UBE2G1: variants seen among roughly 807,000 people sequenced by gnomAD.
UBE2G1 encodes ubiquitin conjugating enzyme E2 G1.
In UBE2G1, 5 loss-of-function variants were observed where a neutral mutation model predicts 22.7. The observed-to-expected ratio is 0.22, with a 90% CI of 0.12 to 0.46. UBE2G1 has a LOEUF of 0.46. UBE2G1 is among the 20% of genes least tolerant of loss of function. The pLI is 0.99. For synonymous variants in UBE2G1, 74 were observed against 67.5 expected, an observed-to-expected ratio of 1.10 and a Z score of -0.47; for missense variants, 88 against 203.9, an observed-to-expected ratio of 0.43 and a Z score of 3.46.
At chr17:4,344,762 G>A (rs972887671) in intron 1 of UBE2G1, among the ~76,000 whole-genome samples, 2 of 152,158 alleles carry the variant, frequency 1.3e-5, no homozygotes, top group Non-Finnish European at 2.9e-5. Context: ...ATGGGAGGCT[G>A]AGACAGGAGG....
intron 1 of UBE2G1, among the ~76,000 whole-genome samples, chr17:4,328,744 A>G (rs1431190443): frequency 1.3e-5 from 2 of 152,226 alleles, no homozygotes; most frequent in African/African-American, 4.8e-5. Flanking sequence ...AAAACAAATT[A>G]GGAAATTATT....
chr17:4,339,849 CAAAA>C (rs1183389003), intron 1 of UBE2G1, among the ~76,000 whole-genome samples: 2 of 138,008 alleles, frequency 1.4e-5, no homozygotes, highest in Admixed American at 1.4e-4. Context: ...AACTGCATCT[CAAAA>C]AAAAAAAAAG....
In UBE2G1 at chr17:4,289,250, G is replaced by A; in HGVS notation, c.406C>T (p.Pro136Ser). Residue 136 changes from proline to serine, a missense_variant, in exon 4 of 6, where the codon CCT becomes TCT. Coordinates refer to ENST00000396981, the MANE Select transcript of UBE2G1 (RefSeq NM_003342.5). The stretch of plus-strand genomic sequence containing the variant: ...CTTACCGCAGCATCAACATTAGCAG[G>A]TGAGTCTCCATTAGGGTCTGCCAGC... ...SMLADPNGDS[P>S]ANVDAAKEWR... 6.4e-7 allele frequency: 1 copy of A among 1,570,884 alleles called. No individual in the cohort carries two copies. The highest frequency in any genetic ancestry group is 8.6e-7 in the Non-Finnish European group (1 of 1,158,474).
At chr17:4,282,763 A>T (rs1968910550) in intron 5 of UBE2G1, 35 bp downstream of exon 5, 2 of 1,445,752 alleles carry the variant, frequency 1.4e-6, no homozygotes, top group East Asian at 4.7e-5. Flanking sequence ...GATACTTACA[A>T]AAAAACAAAA....
intron 1 of UBE2G1, among the ~76,000 whole-genome samples, chr17:4,347,505 C>T (rs1460574076): frequency 4.2e-5 from 5 of 120,234 alleles, no homozygotes; most frequent in South Asian, 2.7e-4. Flanking sequence ...CATAGAGTCT[C>T]GCTCTGTCAC....
chr17:4,286,512 G>A (rs1400310239), intron 4 of UBE2G1, among the ~76,000 whole-genome samples: 1 of 151,554 alleles, frequency 6.6e-6, no homozygotes, highest in Non-Finnish European at 1.5e-5. Context: ...TGGGATTCAA[G>A]AAAAAAAAGG....
chr17:4,357,517 G>GGGGGGGGGGGT (rs1567531434), intron 1 of UBE2G1, among the ~76,000 whole-genome samples: 1 of 44,628 alleles, frequency 2.2e-5, no homozygotes, highest in African/African-American at 7.7e-5. Flanking sequence ...GTGGGGGGGG[G>GGGGGGGGGGGT]GGGTGGGTGT....
At chr17:4,288,731 G>GT (rs1238125233) in intron 4 of UBE2G1, among the ~76,000 whole-genome samples, 4 of 152,094 alleles carry the variant, frequency 2.6e-5, no homozygotes, top group African/African-American at 9.7e-5. Flanking sequence ...TAATAACGAC[G>GT]TATAGTATTC....
At position 4,299,194 on chromosome 17, in the gene UBE2G1, T is replaced by C. The variant is rs1158152746; in HGVS notation, c.150-2380A>G. ...AATCTATATATACATATGTATGCAC[T>C]GCGTCATGATGTAAAGTATTTCTAA... On this transcript the variant is annotated intron_variant, in intron 2 of 5. Transcript: ENST00000396981. Among the ~76,000 whole-genome samples, 4 of 152,222 alleles carry C rather than the reference T, an allele frequency of 2.6e-5. No homozygotes were observed. The South Asian group carries it at 6.2e-4, about 24-fold the overall frequency.
intron 1 of UBE2G1, among the ~76,000 whole-genome samples, chr17:4,317,792 T>G (rs1483303199): frequency 6.6e-6 from 1 of 152,222 alleles, no homozygotes; most frequent in Non-Finnish European, 1.5e-5. Context: ...AAGTCCTAAG[T>G]ACGTTGTTGC....
At chr17:4,318,125 T>G (rs1171310309) in intron 1 of UBE2G1, among the ~76,000 whole-genome samples, 1 of 152,176 alleles carries the variant, frequency 6.6e-6, no homozygotes, top group Non-Finnish European at 1.5e-5. Context: ...CTTGGTAACG[T>G]TGCAACACGG....
intron 1 of UBE2G1, among the ~76,000 whole-genome samples, chr17:4,338,652 ACT>A (rs1457482370): frequency 6.6e-6 from 1 of 152,108 alleles, no homozygotes; most frequent in Non-Finnish European, 1.5e-5. Flanking sequence ...ATAATAGCAA[ACT>A]CTGTATTATA....
intron 4 of UBE2G1, among the ~76,000 whole-genome samples, chr17:4,286,126 T>C (rs1353235355): frequency 6.6e-6 from 1 of 151,920 alleles, no homozygotes; most frequent in Non-Finnish European, 1.5e-5. Flanking sequence ...AATAGTAAAC[T>C]GGGCCGGGTG....
At chr17:4,293,831 C>T (rs571131863) in intron 3 of UBE2G1, among the ~76,000 whole-genome samples, 1 of 152,266 alleles carries the variant, frequency 6.6e-6, no homozygotes, top group East Asian at 1.9e-4. Flanking sequence ...GTCAAAGAAA[C>T]TAAATTACCC....
chr17:4,273,293 C>T (rs907103056), intron 5 of UBE2G1, among the ~76,000 whole-genome samples: 2 of 152,180 alleles, frequency 1.3e-5, no homozygotes, highest in African/African-American at 4.8e-5. Context: ...TTCACATAGC[C>T]AATAAATGGC....
At position 4,289,397 on chromosome 17, in the gene UBE2G1, C is replaced by A; in HGVS notation, c.259G>T (p.Gly87Cys). The change falls in exon 4 of 6, where the codon GGT (glycine) becomes TGT (cysteine). Residue 87 changes from glycine (G) to cysteine (C), a missense_variant. By Grantham distance (159) the Gly-to-Cys change is radical. This residue lies in a region of UBE2G1 where 38 missense variants were observed against 132.9 expected (regional missense o/e 0.29). Transcript: ENST00000396981. ...EIWHPNVDKN[G>C]DVCISILHEP... ...TGAAGAATAGAAATGCACACATCACCATTTTTATCAACTGCAAAATTCAAG... is the reference window on the plus strand; with the variant it reads ...TGAAGAATAGAAATGCACACATCACAATTTTTATCAACTGCAAAATTCAAG... 1 of 1,509,264 alleles carries A rather than the reference C, an allele frequency of 6.6e-7. No homozygotes were observed. Among genetic ancestry groups the A allele is most frequent in the Non-Finnish European group, 8.9e-7 (1 of 1,125,776 alleles). The allele number at this position is 1,509,264 out of a possible 1,614,324, so 93.5% of individuals were successfully genotyped here. A position where few individuals can be genotyped will look rare whatever the true frequency, so the allele number is the denominator to read the frequency against.
At chr17:4,358,244 AGTGAAAT>A (rs1450570017) in intron 1 of UBE2G1, among the ~76,000 whole-genome samples, 1 of 152,082 alleles carries the variant, frequency 6.6e-6, no homozygotes, top group African/African-American at 2.4e-5. Flanking sequence ...TGTCCTCTTC[AGTGAAAT>A]GTTTCTTGGT....
chr17:4,325,856 C>T lies in UBE2G1; in HGVS notation c.47-18733G>A, dbSNP rs116181551. On this transcript the variant is annotated intron_variant, in intron 1 of 5. Transcript: ENST00000396981. ...TGATTTTCAACAAGGTTGACTAGAC[C>T]GCTCAATGAGGAAAGAAAATCTTTC... 7.0e-3 allele frequency among the ~76,000 whole-genome samples: 1,063 copies of T among 152,158 alleles called. 18 individuals are homozygous for T. The highest frequency in any genetic ancestry group is 0.024 in the African/African-American group (1,014 of 41,518).
chr17:4,302,191 T>A, intron 2 of UBE2G1: 1 of 511,736 alleles, frequency 2.0e-6, no homozygotes, highest in Non-Finnish European at 4.0e-6. Context: ...AAATTTGGAT[T>A]TTCTTTCCAG....
Sources: gnomAD v4.1 joint callset for allele counts (sites outside exome capture counted in the v4.1 genomes callset) on GRCh38, gnomAD v4.1.1 for gene constraint, gnomAD v4.1.1 regional missense constraint, MANE v1.5 for transcripts, NCBI Gene and HGNC (gene_info 2026-07-23, HGNC 2026-07-21) for gene names.